Variants in COMMD1 observed in about 807,000 individuals in gnomAD.
COMMD1 encodes copper metabolism domain containing 1, also known as COMM domain-containing protein 1.
In COMMD1, 10 loss-of-function variants were observed where a neutral mutation model predicts 17.2. The ratio of observed to expected loss-of-function variants is 0.58; its 90% CI spans 0.36 to 0.99. The LOEUF is 0.99. Ranked by LOEUF, COMMD1 falls within the 50% of genes least tolerant of loss-of-function variation. COMMD1 has a pLI of 0.01. For missense variants in COMMD1, 270 were observed against 231.8 expected (o/e 1.17, Z -1.07); for synonymous variants, 97 against 91.6 (o/e 1.06, Z -0.34).
chr2:62,061,260 T>G (rs1441144529), intron 2 of COMMD1, among the ~76,000 whole-genome samples: 1 of 152,204 alleles, frequency 6.6e-6, no homozygotes, highest in Non-Finnish European at 1.5e-5. Context: ...CTAATAATTT[T>G]GTTTTGTATA....
chr2:62,068,726 G>A (rs1671122102), intron 2 of COMMD1, among the ~76,000 whole-genome samples: 1 of 148,850 alleles, frequency 6.7e-6, no homozygotes, highest in South Asian at 2.1e-4. Context: ...CTGGGTTCAA[G>A]TGATTCTCCT....
chr2:62,069,397 G>C (rs1671139091), intron 2 of COMMD1: 1 of 152,176 alleles, frequency 6.6e-6, no homozygotes, highest in African/African-American at 2.4e-5. Context: ...CAGTGAGACA[G>C]GCAAAGTAAG....
intron 2 of COMMD1, among the ~76,000 whole-genome samples, chr2:62,095,118 A>T (rs1407742917): frequency 6.6e-6 from 1 of 152,236 alleles, no homozygotes; most frequent in African/African-American, 2.4e-5. Flanking sequence ...GTGTAGAGGA[A>T]ATGGTAATGA....
At position 62,015,539 on chromosome 2, in the gene COMMD1, G is replaced by A. The variant is rs1213565266; in HGVS notation, c.462+14557G>A. Among the ~76,000 whole-genome samples the A allele has an allele frequency of 2.0e-5, 3 of 152,086 alleles. No individual in the cohort carries two copies. In the South Asian group the frequency reaches 6.2e-4, roughly 32 times the overall value. On this transcript the variant is annotated intron_variant, in intron 2 of 2. Transcript: ENST00000311832. ...TTTTAATTCTTTTGGGTATATACTA[G>A]GAGTGGACTTGTTGGATCATACGGT...
chr2:61,945,061 G>T (rs1178372527), intron 1 of COMMD1, among the ~76,000 whole-genome samples: 1 of 152,158 alleles, frequency 6.6e-6, no homozygotes, highest in African/African-American at 2.4e-5. Flanking sequence ...CAAACCTGAT[G>T]GGAGAAAGAC....
chr2:62,132,800 A>T lies in COMMD1; in HGVS notation c.463-3031A>T, dbSNP rs1673080776. On this transcript the variant is annotated intron_variant, in intron 2 of 2. Coordinates refer to ENST00000311832, the MANE Select transcript of COMMD1 (RefSeq NM_152516.4). Reference sequence around the variant, plus strand: ...GGAGGCAAAGGTTGCAGATTGGGCCACTGTACTCCAACCTGGGCGACAGAG... The same window carrying T: ...GGAGGCAAAGGTTGCAGATTGGGCCTCTGTACTCCAACCTGGGCGACAGAG... Among the ~76,000 whole-genome samples, 3 of 152,040 alleles carry T rather than the reference A, an allele frequency of 2.0e-5. No homozygotes were observed. In the South Asian group the frequency reaches 6.2e-4, roughly 32 times the overall value.
chr2:62,045,630 G>T (rs1269360868), intron 2 of COMMD1, among the ~76,000 whole-genome samples: 1 of 141,370 alleles, frequency 7.1e-6, no homozygotes, highest in South Asian at 2.3e-4. Flanking sequence ...TCAAACTCCC[G>T]ACCTCAAGGG....
upstream of COMMD1, among the ~76,000 whole-genome samples, chr2:61,904,911 C>G (rs1004342349): frequency 2.0e-5 from 3 of 152,194 alleles, no homozygotes; most frequent in African/African-American, 7.2e-5. Flanking sequence ...CTATCCTGGA[C>G]ATTTCATATA....
rs1448860135 is a variant in COMMD1, at chr2:61,905,706, A to G, written c.28A>G (p.Lys10Glu). The change falls in exon 1 of 3, where the codon AAA (lysine) becomes GAA (glutamate). Residue 10 changes from lysine (K) to glutamate (E), a missense_variant. Transcript: ENST00000311832. ...GGCGGCGGGCGAGCTTGAGGGTGGC[A>G]AACCCCTGAGCGGGCTGCTGAATGC... MAAGELEGG[K>E]PLSGLLNALA... is the part of the protein sequence containing the mutation. 33 of 1,592,034 alleles carry G rather than the reference A, an allele frequency of 2.1e-5. No homozygotes were observed. Among genetic ancestry groups the G allele is most frequent in the African/African-American group, 2.7e-5 (2 of 74,668 alleles).
chr2:61,957,115 T>TGTGG lies in COMMD1; in HGVS notation c.181-43583_181-43582insGGTG, dbSNP rs1426716680. On this transcript the variant is annotated intron_variant, in intron 1 of 2. Coordinates refer to ENST00000311832, the MANE Select transcript of COMMD1 (RefSeq NM_152516.4). ...GTGTGTGTGTGTGTGTGTGTGTGTG[T>TGTGG]GTGTGTAAAATCTTTTTAAGAGATG... is the stretch of plus-strand genomic sequence containing the variant. Among the ~76,000 whole-genome samples the TGTGG allele has an allele frequency of 6.7e-4, 101 of 151,650 alleles. 1 individual carries two copies. The highest frequency in any genetic ancestry group is 2.3e-3 in the African/African-American group (97 of 41,388).
At chr2:61,985,755 C>T (rs1672090365) in intron 1 of COMMD1, among the ~76,000 whole-genome samples, 2 of 152,114 alleles carry the variant, frequency 1.3e-5, no homozygotes, top group South Asian at 4.2e-4. Flanking sequence ...AAAAAGAAAA[C>T]TAGTAAAAAC....
At chr2:61,995,115 A>G (rs967334620) in intron 1 of COMMD1, among the ~76,000 whole-genome samples, 3 of 152,146 alleles carry the variant, frequency 2.0e-5, no homozygotes, top group Non-Finnish European at 1.5e-5. Context: ...TTTCATTAAA[A>G]ACATTTTTAA....
chr2:61,966,116 A>G (rs1162176037), intron 1 of COMMD1, among the ~76,000 whole-genome samples: 1 of 152,216 alleles, frequency 6.6e-6, no homozygotes, highest in East Asian at 1.9e-4. Context: ...GTTCTGTTAC[A>G]TGCTATGGAT....
intron 2 of COMMD1, among the ~76,000 whole-genome samples, chr2:62,123,115 T>C (rs763940970): frequency 2.6e-5 from 4 of 152,168 alleles, no homozygotes; most frequent in African/African-American, 9.7e-5. Flanking sequence ...TCCCAGCTAC[T>C]TGGGAGGCCA....
At chr2:61,960,148 A>C (rs977849078) in intron 1 of COMMD1, among the ~76,000 whole-genome samples, 8 of 152,014 alleles carry the variant, frequency 5.3e-5, no homozygotes, top group African/African-American at 1.7e-4. Context: ...CACACACTGT[A>C]ATAGTGGATA....
chr2:62,119,840 A>G (rs551948230), intron 2 of COMMD1, among the ~76,000 whole-genome samples: 118 of 152,270 alleles, frequency 7.7e-4, no homozygotes, highest in African/African-American at 2.7e-3. Context: ...CTGTTTTTGT[A>G]TTAGATGTAT....
chr2:62,082,358 A>G (rs1671547577), intron 2 of COMMD1, among the ~76,000 whole-genome samples: 1 of 152,190 alleles, frequency 6.6e-6, no homozygotes, highest in Non-Finnish European at 1.5e-5. Context: ...GGGAGACCTT[A>G]GAACACTCAA....
intron 1 of COMMD1, among the ~76,000 whole-genome samples, chr2:61,944,185 C>G (rs1306805003): frequency 6.6e-6 from 1 of 152,060 alleles, no homozygotes; most frequent in Admixed American, 6.5e-5. Context: ...GGTGTGGTGG[C>G]TTATGCCTAT....
chr2:62,016,874 G>A (rs1005090898), intron 2 of COMMD1, among the ~76,000 whole-genome samples: 2 of 151,994 alleles, frequency 1.3e-5, no homozygotes, highest in African/African-American at 4.8e-5. Context: ...TGATCCACTC[G>A]AGTTAATTTT....
Sources: allele counts gnomAD v4.1 joint callset (sites outside exome capture counted in the v4.1 genomes callset), GRCh38; gene constraint gnomAD v4.1.1; transcripts MANE v1.5; gene names NCBI Gene and HGNC (gene_info 2026-07-23, HGNC 2026-07-21).